Variants in ZDHHC15 observed in about 807,000 individuals in gnomAD.
ZDHHC15 encodes the protein zDHHC palmitoyltransferase 15.
ZDHHC15 carries 19 observed loss-of-function variants against 31.7 expected under a neutral mutation model. The ratio of observed to expected loss-of-function variants is 0.60; its 90% CI spans 0.42 to 0.88. The LOEUF (loss-of-function observed/expected upper bound fraction) is 0.88, where lower values mean the gene tolerates loss of function less well. ZDHHC15 is among the 40% of genes least tolerant of loss of function. The pLI, the probability that ZDHHC15 is intolerant of heterozygous loss-of-function variation, is 0.00. For missense variants in ZDHHC15, 209 were observed against 251.2 expected (o/e 0.83, Z 1.14); for synonymous variants, 103 against 90.0 (o/e 1.14, Z -0.82).
chrX:75,450,833 C>T lies in ZDHHC15; in HGVS notation c.348G>A (p.Lys116=), dbSNP rs759182040. ...TTCCAGTTCTTGTGTAAACCGGTAG[C>T]TTTTTGGCCATATCAACAAGCATCT... ...QKQMLVDMAK[K]LPVYTRTGSG... Residue 116 remains lysine (K), a synonymous_variant, in exon 4 of 12, where the codon AAG becomes AAA. Transcript: ENST00000373367. 36 of 1,208,967 alleles carry T rather than the reference C, an allele frequency of 3.0e-5. No homozygotes were observed. The highest frequency in any genetic ancestry group is 3.6e-5 in the Non-Finnish European group (32 of 894,676).
intron 3 of ZDHHC15, among the ~76,000 whole-genome samples, chrX:75,468,253 C>G (rs1385551406): frequency 1.8e-5 from 2 of 110,585 alleles, no homozygotes; most frequent in East Asian, 5.7e-4. Flanking sequence ...CCAAGTTGGT[C>G]AGGCTAGTCT....
At chrX:75,386,222 G>A (rs943775692) in intron 10 of ZDHHC15, among the ~76,000 whole-genome samples, 1 of 111,503 alleles carries the variant, frequency 9.0e-6, no homozygotes, top group Non-Finnish European at 1.9e-5. Context: ...AGAGTCTGAT[G>A]TCAGTATTTT....
intron 3 of ZDHHC15, among the ~76,000 whole-genome samples, chrX:75,478,280 C>T (rs2084637034): frequency 8.9e-6 from 1 of 111,918 alleles, no homozygotes; most frequent in Non-Finnish European, 1.9e-5. Flanking sequence ...AAAATAATCA[C>T]TGGTACTAAA....
At chrX:75,433,877 T>A (rs193011098) in intron 4 of ZDHHC15, among the ~76,000 whole-genome samples, 1 of 111,012 alleles carries the variant, frequency 9.0e-6, no homozygotes, top group Admixed American at 9.7e-5. Context: ...GATTGTTGGA[T>A]CAAATGACAG....
intron 10 of ZDHHC15, among the ~76,000 whole-genome samples, chrX:75,383,719 A>G (rs767273545): frequency 1.1e-5 from 1 of 94,429 alleles, no homozygotes; most frequent in Non-Finnish European, 2.1e-5. Flanking sequence ...ACTACCCCAA[A>G]TTTAAGAAAT....
chrX:75,457,837 T>C (rs2084248710), intron 3 of ZDHHC15, among the ~76,000 whole-genome samples: 1 of 111,540 alleles, frequency 9.0e-6, no homozygotes, highest in East Asian at 2.8e-4. Flanking sequence ...ATTTATAGTG[T>C]ATTAGTATTG....
chrX:75,404,323 A>G (rs2083387940), intron 10 of ZDHHC15, among the ~76,000 whole-genome samples: 2 of 112,325 alleles, frequency 1.8e-5, no homozygotes, highest in Admixed American at 9.5e-5. Context: ...ATGGATAAAG[A>G]GTTCATGACA....
chrX:75,471,351 T>A (rs919447460), intron 3 of ZDHHC15, among the ~76,000 whole-genome samples: 1 of 112,428 alleles, frequency 8.9e-6, no homozygotes, highest in Admixed American at 9.4e-5. Flanking sequence ...ATTACATTGA[T>A]GACATTATGC....
intron 3 of ZDHHC15, among the ~76,000 whole-genome samples, chrX:75,467,565 C>T (rs1282732353): frequency 8.9e-6 from 1 of 111,989 alleles, no homozygotes; most frequent in East Asian, 2.8e-4. Flanking sequence ...AATGTACTCT[C>T]CTTTTCTTTT....
intron 2 of ZDHHC15, among the ~76,000 whole-genome samples, chrX:75,504,289 A>G (rs1602748146): frequency 9.0e-6 from 1 of 111,337 alleles, no homozygotes. Flanking sequence ...CTTTAATTTC[A>G]CTGCTTTTTG....
intron 8 of ZDHHC15, among the ~76,000 whole-genome samples, chrX:75,422,401 G>A (rs772233567): frequency 8.9e-6 from 1 of 111,760 alleles, no homozygotes; most frequent in South Asian, 3.8e-4. Flanking sequence ...AGAAAGTAAT[G>A]ACACATAAAG....
chrX:75,409,195 A>C (rs1419999776), intron 10 of ZDHHC15, among the ~76,000 whole-genome samples: 2 of 111,973 alleles, frequency 1.8e-5, no homozygotes, highest in African/African-American at 6.5e-5. Flanking sequence ...CTAATTTCAA[A>C]ATATACTACA....
At chrX:75,404,694 T>C (rs1055821073) in intron 10 of ZDHHC15, among the ~76,000 whole-genome samples, 1 of 111,797 alleles carries the variant, frequency 8.9e-6, no homozygotes, top group African/African-American at 3.2e-5. Flanking sequence ...CTTACAGCAG[T>C]CAGAATGGGT....
intron 10 of ZDHHC15, among the ~76,000 whole-genome samples, chrX:75,412,557 G>A (rs1158778233): frequency 5.4e-5 from 6 of 110,137 alleles, no homozygotes; most frequent in African/African-American, 1.7e-4. Flanking sequence ...TCAACCTCCC[G>A]AGTAGCTGGG....
chrX:75,474,448 T>TAC (rs752694258), intron 3 of ZDHHC15, among the ~76,000 whole-genome samples: 4,192 of 78,617 alleles, frequency 0.053, 118 homozygotes, highest in South Asian at 0.17. Flanking sequence ...TATATATATA[T>TAC]ACACACACAC....
chrX:75,375,050 T>C (rs1013386734), intron 11 of ZDHHC15, among the ~76,000 whole-genome samples: 4 of 111,578 alleles, frequency 3.6e-5, no homozygotes, highest in African/African-American at 1.3e-4. Context: ...TATAGTTTTT[T>C]TGTAGTATAA....
intron 1 of ZDHHC15, among the ~76,000 whole-genome samples, chrX:75,517,599 A>C (rs1209303900): frequency 9.8e-5 from 2 of 20,398 alleles, no homozygotes; most frequent in Admixed American, 7.5e-4. Context: ...GGGTGGGGGG[A>C]GGGGGGAGGG....
intron 2 of ZDHHC15, among the ~76,000 whole-genome samples, chrX:75,493,689 T>C (rs1280263908): frequency 1.8e-5 from 2 of 112,104 alleles, no homozygotes; most frequent in African/African-American, 3.2e-5. Flanking sequence ...AACCATATGA[T>C]TATCTCAATA....
At chrX:75,443,571 G>T (rs940185265) in intron 4 of ZDHHC15, among the ~76,000 whole-genome samples, 3 of 112,003 alleles carry the variant, frequency 2.7e-5, no homozygotes, top group Non-Finnish European at 5.6e-5. Context: ...AAGACCTCAT[G>T]TCTAAAACAC....
Sources: allele counts gnomAD v4.1 joint callset (sites outside exome capture counted in the v4.1 genomes callset), GRCh38; gene constraint gnomAD v4.1.1; transcripts MANE v1.5; gene names NCBI Gene and HGNC (gene_info 2026-07-23, HGNC 2026-07-21).